MCTP1: variants seen among roughly 807,000 people sequenced by gnomAD.
The protein encoded by MCTP1 is multiple C2 and transmembrane domain-containing protein 1.
A neutral mutation model predicts 120.6 loss-of-function variants in MCTP1; 69 were observed. That is an observed-to-expected ratio of 0.57 (90% CI 0.47 to 0.70). The LOEUF (loss-of-function observed/expected upper bound fraction) is 0.70, where lower values mean the gene tolerates loss of function less well. Ranked by LOEUF, MCTP1 falls within the 30% of genes least tolerant of loss-of-function variation. MCTP1 has a pLI of 0.00. For missense variants in MCTP1, 1,203 were observed against 1,248.8 expected, an observed-to-expected ratio of 0.96 and a Z score of 0.55; for synonymous variants, 529 against 493.1, an observed-to-expected ratio of 1.07 and a Z score of -0.96.
chr5:94,776,440 C>T (rs1441355745), intron 19 of MCTP1, among the ~76,000 whole-genome samples: 2 of 152,100 alleles, frequency 1.3e-5, no homozygotes, highest in African/African-American at 2.4e-5. Flanking sequence ...CGTAATACCC[C>T]ATTTACCCCC....
At chr5:94,899,495 T>C (rs1804937212) in intron 10 of MCTP1, among the ~76,000 whole-genome samples, 1 of 152,188 alleles carries the variant, frequency 6.6e-6, no homozygotes, top group South Asian at 2.1e-4. Flanking sequence ...CTAGCCGCCA[T>C]ATACTTTTGA....
Position 94,940,135 on chromosome 5 carries a change from G to T in MCTP1, c.1122C>A (p.Ile374=). The T allele has an allele frequency of 6.2e-7, 1 of 1,610,170 alleles. No homozygotes were observed. ...GGGTAAGGATGACTGAGAGCAAAAT[G>T]ATTCCAAGATCATGGTCAGGATAAT... ...DPHYPDHDLG[I]ILLSVILTPK... is the part of the protein sequence containing the mutation. Residue 374 remains isoleucine (I), a synonymous_variant, in exon 5 of 23, where the codon ATC becomes ATA. Transcript: ENST00000515393.
At chr5:95,099,484 A>T (rs1756544126) in intron 1 of MCTP1, among the ~76,000 whole-genome samples, 1 of 152,310 alleles carries the variant, frequency 6.6e-6, no homozygotes, top group East Asian at 1.9e-4. Flanking sequence ...ACATTTCTCA[A>T]AAGAAGATAT....
chr5:95,037,748 T>TCC (rs1042392139), intron 1 of MCTP1, among the ~76,000 whole-genome samples: 2 of 151,990 alleles, frequency 1.3e-5, no homozygotes, highest in African/African-American at 4.8e-5. Flanking sequence ...GCACCTATAA[T>TCC]CCCAGCTACT....
intron 1 of MCTP1, among the ~76,000 whole-genome samples, chr5:95,222,410 A>G (rs1319761947): frequency 6.6e-6 from 1 of 152,276 alleles, no homozygotes; most frequent in East Asian, 1.9e-4. Context: ...TCTCTGCTTC[A>G]ATTAAGAATC....
At chr5:95,267,262 T>C (rs954569245) in intron 1 of MCTP1, among the ~76,000 whole-genome samples, 1 of 152,204 alleles carries the variant, frequency 6.6e-6, no homozygotes, top group Non-Finnish European at 1.5e-5. Context: ...TTCATTTTTT[T>C]CCCACCCTAA....
chr5:94,870,426 G>A lies in MCTP1; in HGVS notation c.2307C>T (p.Leu769=). ...EQKYIEEENR[L]SKQLLLRNFI... ...TTTTCTTGCTTTTTACCTGTTTAGA[G>A]AGTCTGTTTTCCTCTTCAATGTACT... is the stretch of plus-strand genomic sequence containing the variant. The change falls in exon 16 of 23, where the codon CTC becomes CTT. Residue 769 remains leucine, a synonymous_variant. Transcript: ENST00000515393. The A allele has an allele frequency of 6.2e-7, 1 of 1,609,464 alleles. No homozygotes were observed. Among genetic ancestry groups the A allele is most frequent in the Non-Finnish European group, 8.5e-7 (1 of 1,176,198 alleles).
intron 18 of MCTP1, among the ~76,000 whole-genome samples, chr5:94,782,716 A>G (rs1053807329): frequency 2.6e-5 from 4 of 152,102 alleles, no homozygotes; most frequent in Admixed American, 6.6e-5. Context: ...AATAAAACCA[A>G]ATAAGCACTA....
chr5:94,835,209 G>A lies in MCTP1; in HGVS notation c.2436+33124C>T, dbSNP rs147710758. Among the ~76,000 whole-genome samples, 341 of 152,270 alleles carry A rather than the reference G, an allele frequency of 2.2e-3. 2 individuals are homozygous for A. Among genetic ancestry groups the A allele is most frequent in the African/African-American group, 7.6e-3 (317 of 41,554 alleles). On this transcript the variant is annotated intron_variant, in intron 17 of 22. Transcript: ENST00000515393. The stretch of plus-strand genomic sequence containing the variant: ...TTGGGGAAGGGATTTTGAAAGGGAA[G>A]GTGATTTTAATTATTAACTGATTCT...
chr5:94,767,084 G>A (rs1215366788), intron 19 of MCTP1, among the ~76,000 whole-genome samples: 1 of 152,080 alleles, frequency 6.6e-6, no homozygotes, highest in African/African-American at 2.4e-5. Flanking sequence ...TGATCAAGTT[G>A]GATTTATCTG....
intron 19 of MCTP1, among the ~76,000 whole-genome samples, chr5:94,777,822 T>C (rs1257032320): frequency 6.6e-6 from 1 of 152,124 alleles, no homozygotes; most frequent in Non-Finnish European, 1.5e-5. Flanking sequence ...TAGTTTATGT[T>C]TGATGATGTT....
intron 17 of MCTP1, among the ~76,000 whole-genome samples, chr5:94,844,162 G>T (rs373292046): frequency 1.1e-3 from 168 of 152,092 alleles, no homozygotes; most frequent in African/African-American, 3.8e-3. Flanking sequence ...ACTTAGCAGG[G>T]TGTAGTGGCG....
chr5:95,071,951 A>T (rs1752264113), intron 1 of MCTP1, among the ~76,000 whole-genome samples: 1 of 152,230 alleles, frequency 6.6e-6, no homozygotes, highest in African/African-American at 2.4e-5. Context: ...GTAAAAGTCC[A>T]TCTAGAGGAA....
At chr5:95,282,078 C>A (rs373268663) in intron 1 of MCTP1, among the ~76,000 whole-genome samples, 1 of 152,220 alleles carries the variant, frequency 6.6e-6, no homozygotes, top group South Asian at 2.1e-4. Flanking sequence ...CATAGGTCTG[C>A]TGTGAGGGTT....
At chr5:94,749,855 C>G (rs1767879048) in intron 19 of MCTP1, among the ~76,000 whole-genome samples, 1 of 152,046 alleles carries the variant, frequency 6.6e-6, no homozygotes, top group Admixed American at 6.5e-5. Context: ...AGCACTGTTA[C>G]TATATCCACT....
chr5:94,818,848 A>G (rs1199042200), intron 17 of MCTP1, among the ~76,000 whole-genome samples: 1 of 152,202 alleles, frequency 6.6e-6, no homozygotes, highest in Non-Finnish European at 1.5e-5. Flanking sequence ...GAAAGAGAAC[A>G]CCCAAGATCT....
At chr5:95,219,789 C>T (rs560230665) in intron 1 of MCTP1, among the ~76,000 whole-genome samples, 1 of 152,296 alleles carries the variant, frequency 6.6e-6, no homozygotes, top group South Asian at 2.1e-4. Flanking sequence ...GAGAAAGATG[C>T]CTGTAACTGT....
chr5:94,812,411 C>T (rs1580812635), intron 17 of MCTP1, among the ~76,000 whole-genome samples: 1 of 136,066 alleles, frequency 7.3e-6, no homozygotes, highest in Non-Finnish European at 1.6e-5. Context: ...CAAGTGTAAA[C>T]ATGAACCAAA....
In MCTP1 at chr5:94,888,939, C is replaced by T. The variant is rs775415507; in HGVS notation, c.1873G>A (p.Val625Met). Residue 625 changes from valine to methionine, a missense_variant, in exon 12 of 23, where the codon GTG becomes ATG. Transcript: ENST00000515393. ...PLRIFHNLKD[V>M]GFLQVKVIRA... ...ATGACTTTCACCTGGAGAAATCCCA[C>T]ATCTTTCAGGTTGTGAAATATCCTC... is the stretch of plus-strand genomic sequence containing the variant. The T allele has an allele frequency of 1.9e-6, 3 of 1,613,826 alleles. No individual in the cohort carries two copies. Among genetic ancestry groups the T allele is most frequent in the Non-Finnish European group, 2.5e-6 (3 of 1,179,860 alleles).
Sources: allele counts gnomAD v4.1 joint callset (sites outside exome capture counted in the v4.1 genomes callset), GRCh38; gene constraint gnomAD v4.1.1; transcripts MANE v1.5; gene names NCBI Gene and HGNC (gene_info 2026-07-23, HGNC 2026-07-21).